Variants in GNB3 observed in about 807,000 individuals in gnomAD.
GNB3 encodes guanine nucleotide-binding protein G(I)/G(S)/G(T) subunit beta-3.
A neutral mutation model predicts 41.2 loss-of-function variants in GNB3; 33 were observed. The observed-to-expected ratio is 0.80, with a 90% confidence interval of 0.61 to 1.07. The LOEUF is 1.07. Ranked by LOEUF, GNB3 falls within the 50% of genes least tolerant of loss-of-function variation. GNB3 has a pLI of 0.00. For missense variants in GNB3, 409 were observed against 455.3 expected, an observed-to-expected ratio of 0.90 and a Z score of 0.92; for synonymous variants, 172 against 173.4, an observed-to-expected ratio of 0.99 and a Z score of 0.06.
At chr12:6,844,629 C>T (rs868925595) in intron 8 of GNB3, among the ~76,000 whole-genome samples, 14 of 152,148 alleles carry the variant, frequency 9.2e-5, no homozygotes, top group African/African-American at 2.9e-4. Context: ...CTATGTTGCC[C>T]AGGCTGAGCT....
chr12:6,846,308 T>C (rs1565521113), intron 9 of GNB3: 1 of 168,442 alleles, frequency 5.9e-6, no homozygotes, highest in African/African-American at 2.4e-5. Flanking sequence ...CCTAATTCTG[T>C]TGCTCACTTT....
Position 6,843,231 on chromosome 12 carries a change from C to A in GNB3, c.261C>A (p.Thr87=), listed in dbSNP as rs1943609600. ...GKLIVWDSYT[T]NKVHAIPLRS... ...TGATCGTGTGGGACAGCTACACCAC[C>A]AACAAGGTACCAGCCCTGCCTCCCT... The change falls in exon 5 of 10, where the codon ACC becomes ACA. Residue 87 remains threonine, a synonymous_variant. Transcript: ENST00000229264. This position sits in a 1 kb window ranked among gnomAD's most constrained non-coding sequence, Gnocchi z 5.9. 1 of 1,613,804 alleles carries A rather than the reference C, an allele frequency of 6.2e-7. No homozygotes were observed. The highest frequency in any genetic ancestry group is 8.5e-7 in the Non-Finnish European group (1 of 1,179,722).
chr12:6,845,545 C>G, intron 8 of GNB3, 41 bp from the exon 9 acceptor site: 1 of 1,424,816 alleles, frequency 7.0e-7, no homozygotes. Flanking sequence ...TGTGGGCTGC[C>G]CAGGTCTGAT....
chr12:6,845,785 T>A lies in GNB3; in HGVS notation c.899T>A (p.Met300Lys). The A allele has an allele frequency of 6.2e-7, 1 of 1,613,744 alleles. No homozygotes were observed. The highest frequency in any genetic ancestry group is 1.7e-5 in the Admixed American group (1 of 60,024). The change falls in exon 9 of 10, where the codon ATG becomes AAG. Residue 300 changes from methionine to lysine, a missense_variant. Physicochemically the swap from Met to Lys is moderately conservative, Grantham distance 95. Coordinates refer to ENST00000229264, the MANE Select transcript of GNB3 (RefSeq NM_002075.4). ...TTCAACTGCAATGTCTGGGACTCCA[T>A]GAAGTCTGAGCGTGTGGGTAAGGGC... ...DDFNCNVWDSMKSERVGILSG... is the reference protein window; with the variant it reads ...DDFNCNVWDSKKSERVGILSG...
At position 6,843,918 on chromosome 12, in the gene GNB3, G is replaced by T. The variant is rs782808953; in HGVS notation, c.639G>T (p.Val213=). The change falls in exon 8 of 10, where the codon GTG becomes GTT. Residue 213 remains valine, a synonymous_variant. Transcript: ENST00000229264. This position sits in a 1 kb window ranked among gnomAD's most constrained non-coding sequence, Gnocchi z 5.9. ...ACDASAKLWD[V]REGTCRQTFT... Reference sequence around the variant, plus strand: ...ATGCCAGTGCCAAGCTCTGGGATGTGCGAGAGGGGACCTGCCGTCAGACTT... The same window carrying T: ...ATGCCAGTGCCAAGCTCTGGGATGTTCGAGAGGGGACCTGCCGTCAGACTT... The T allele has an allele frequency of 6.2e-7, 1 of 1,613,970 alleles. No individual in the cohort carries two copies. Among genetic ancestry groups the T allele is most frequent in the Admixed American group, 1.7e-5 (1 of 60,002 alleles).
chr12:6,841,896 A>G, intron 3 of GNB3: 1 of 645,302 alleles, frequency 1.5e-6, no homozygotes. Context: ...AAGAAGCGAT[A>G]GTACTTTGTA....
At chr12:6,841,788 G>C (rs1555123469) in intron 3 of GNB3, 164 bp downstream of exon 3, 1 of 713,534 alleles carries the variant, frequency 1.4e-6, no homozygotes, top group African/African-American at 1.7e-5. Flanking sequence ...CCTGCTCTGA[G>C]CCAGGCACCA....
In GNB3 at chr12:6,843,920, G is replaced by T; in HGVS notation, c.641G>T (p.Arg214Leu). 1 of 1,613,918 alleles carries T rather than the reference G, an allele frequency of 6.2e-7. No homozygotes were observed. Among genetic ancestry groups the T allele is most frequent in the Non-Finnish European group, 8.5e-7 (1 of 1,179,966 alleles). Residue 214 changes from arginine to leucine, a missense_variant, in exon 8 of 10, where the codon CGA becomes CTA. By Grantham distance (102) the Arg-to-Leu change is moderately radical (BLOSUM62 -2). Transcript: ENST00000229264. The surrounding 1 kb of genome is among the most constrained non-coding windows in gnomAD (Gnocchi z 5.9). ...GCCAGTGCCAAGCTCTGGGATGTGC[G>T]AGAGGGGACCTGCCGTCAGACTTTC... ...CDASAKLWDVREGTCRQTFTG... is the reference protein window; with the variant it reads ...CDASAKLWDVLEGTCRQTFTG...
rs1565519172 is a variant in GNB3 at position 6,843,987 on chromosome 12, AC to A, written c.699+15del. ...ACATCAACGCCATCTGTGTGAGTGCACCCCCCACCCCAGCTTCACTCCAACT... is the reference window on the plus strand; with the variant it reads ...ACATCAACGCCATCTGTGTGAGTGCACCCCCACCCCAGCTTCACTCCAACT... On this transcript the variant is annotated intron_variant, in intron 8 of 9. Coordinates refer to ENST00000229264, the MANE Select transcript of GNB3 (RefSeq NM_002075.4). This position sits in a 1 kb window ranked among gnomAD's most constrained non-coding sequence, Gnocchi z 5.9. The A allele has an allele frequency of 5.7e-6, 9 of 1,578,128 alleles. No individual in the cohort carries two copies. Among genetic ancestry groups the A allele is most frequent in the South Asian group, 1.1e-5 (1 of 86,960 alleles).
Position 6,843,065 on chromosome 12 carries a change from C to T in GNB3, c.192C>T (p.Ala64=), listed in dbSNP as rs1375864982. Reference sequence around the variant, plus strand: ...CCAAGATTTACGCCATGCACTGGGCCACTGATTCTAAGTGAGGCTTGGGGG... The same window carrying T: ...CCAAGATTTACGCCATGCACTGGGCTACTGATTCTAAGTGAGGCTTGGGGG... The part of the protein sequence containing the change: ...HLAKIYAMHW[A]TDSKLLVSAS... Residue 64 remains alanine (A), a synonymous_variant, in exon 4 of 10, where the codon GCC becomes GCT. Transcript: ENST00000229264. This position sits in a 1 kb window ranked among gnomAD's most constrained non-coding sequence, Gnocchi z 5.9. 33 of 1,600,896 alleles carry T rather than the reference C, an allele frequency of 2.1e-5. No individual in the cohort carries two copies. In the Admixed American group the frequency reaches 5.5e-4, roughly 27 times the overall value.
chr12:6,841,907 A>G (rs1359978697), intron 3 of GNB3: 1 of 624,110 alleles, frequency 1.6e-6, no homozygotes, highest in Non-Finnish European at 3.0e-6. Flanking sequence ...GTACTTTGTA[A>G]ATTATAAAGC....
At position 6,847,210 on chromosome 12, in the gene GNB3, G is replaced by C; in HGVS notation, c.*312G>C. On this transcript the variant is annotated 3_prime_UTR_variant, in exon 10 of 10. Transcript: ENST00000229264. ...CAGCAGACTTGAGTCTGAGGCCCCAGGCCCTAGGATTCCTCCCCCAGAGCC... is the reference window on the plus strand; with the variant it reads ...CAGCAGACTTGAGTCTGAGGCCCCACGCCCTAGGATTCCTCCCCCAGAGCC... 2.8e-6 allele frequency: 1 copy of C among 356,940 alleles called. No homozygotes were observed. Among genetic ancestry groups the C allele is most frequent in the Non-Finnish European group, 5.2e-6 (1 of 190,720 alleles). The allele number at this position is 356,940 out of a possible 1,614,324, so 22.1% of individuals were successfully genotyped here.
Position 6,844,090 on chromosome 12 carries a change from T to G in GNB3, c.699+112T>G, listed in dbSNP as rs1295663982. ...CATAGCTTCCCTAGCCCTTTCTTAC[T>G]GTATTTTTTTTTTTTTTTTTTTTTT... On this transcript the variant is annotated intron_variant, in intron 8 of 9. Transcript: ENST00000229264. 8.7e-6 allele frequency: 4 copies of G among 460,178 alleles called. 1 individual carries two copies. Among genetic ancestry groups the G allele is most frequent in the African/African-American group, 5.9e-5 (2 of 34,032 alleles). 28.5% of individuals were successfully genotyped at this position (460,178 alleles called of 1,614,324 possible).
At position 6,845,757 on chromosome 12, in the gene GNB3, G is replaced by A. The variant is rs782729041; in HGVS notation, c.871G>A (p.Asp291Asn). ...CCGCCTACTATTCGCTGGCTACGAC[G>A]ACTTCAACTGCAATGTCTGGGACTC... ...SGRLLFAGYD[D>N]FNCNVWDSMK... Residue 291 changes from aspartate to asparagine, a missense_variant, in exon 9 of 10, where the codon GAC becomes AAC. By Grantham distance (23) the Asp-to-Asn change is conservative (BLOSUM62 1). Transcript: ENST00000229264. 1.4e-5 allele frequency: 23 copies of A among 1,613,996 alleles called. No homozygotes were observed. The highest frequency in any genetic ancestry group is 1.7e-5 in the Non-Finnish European group (20 of 1,180,002).
At chr12:6,845,523 G>C (rs1943670505) in intron 8 of GNB3, 63 bp from the exon 9 acceptor site, 6 of 1,125,546 alleles carry the variant, frequency 5.3e-6, no homozygotes, top group Non-Finnish European at 7.9e-6. Flanking sequence ...GGAGGCAGAG[G>C]GCGGGAGAGG....
chr12:6,843,090 G>A lies in GNB3; in HGVS notation c.203+14G>A, dbSNP rs782761391. On this transcript the variant is annotated intron_variant, in intron 4 of 9. Transcript: ENST00000229264. The surrounding 1 kb of genome is among the most constrained non-coding windows in gnomAD (Gnocchi z 5.9). ...CACTGATTCTAAGTGAGGCTTGGGG[G>A]GGAACCGAGAATGGGAGGGTGAGAG... The A allele has an allele frequency of 2.5e-6, 4 of 1,604,098 alleles. No homozygotes were observed. The Admixed American group carries it at 6.7e-5, about 27-fold the overall frequency.
chr12:6,845,764 A>C lies in GNB3; in HGVS notation c.878A>C (p.Asn293Thr). 6.2e-7 allele frequency: 1 copy of C among 1,614,108 alleles called. No homozygotes were observed. The highest frequency in any genetic ancestry group is 1.1e-5 in the South Asian group (1 of 91,086). ...RLLFAGYDDF[N>T]CNVWDSMKSE... ...CTATTCGCTGGCTACGACGACTTCA[A>C]CTGCAATGTCTGGGACTCCATGAAG... is the stretch of plus-strand genomic sequence containing the variant. Residue 293 changes from asparagine (N) to threonine (T), a missense_variant, in exon 9 of 10, where the codon AAC becomes ACC. By Grantham distance (65) the Asn-to-Thr change is moderately conservative. Transcript: ENST00000229264.
intron 8 of GNB3, among the ~76,000 whole-genome samples, chr12:6,844,586 A>T (rs938972127): frequency 2.0e-5 from 3 of 152,068 alleles, no homozygotes; most frequent in Admixed American, 6.5e-5. Context: ...CGCTTGGCTA[A>T]TGTTTTGATT....
Position 6,842,967 on chromosome 12 carries a change from C to A in GNB3, c.97-3C>A. ...CTGATATTCAGTGCCCCTCTCTCTG[C>A]AGCTGGTGTCTGGCCTAGAGGTGGT... On this transcript the variant is annotated splice_polypyrimidine_tract_variant and splice_region_variant and intron_variant, in intron 3 of 9. Transcript: ENST00000229264. 1 of 1,531,046 alleles carries A rather than the reference C, an allele frequency of 6.5e-7. No individual in the cohort carries two copies. Among genetic ancestry groups the A allele is most frequent in the African/African-American group, 1.4e-5 (1 of 72,598 alleles). The allele number at this position is 1,531,046 out of a possible 1,614,324, so 94.8% of individuals were successfully genotyped here.
Sources: gnomAD v4.1 joint callset for allele counts (sites outside exome capture counted in the v4.1 genomes callset) on GRCh38, gnomAD v4.1.1 for gene constraint, Gnocchi (gnomAD v3.1) non-coding constraint, MANE v1.5 for transcripts, NCBI Gene and HGNC (gene_info 2026-07-23, HGNC 2026-07-21) for gene names.